Variants in ACAD10 observed in about 807,000 individuals in gnomAD.
ACAD10 encodes ACAD-10.
Under a neutral mutation model 116.8 loss-of-function variants are expected in ACAD10, and 112 were observed. The observed-to-expected ratio is 0.96, with a 90% CI of 0.82 to 1.12. The LOEUF is 1.12. ACAD10 is among the 50% of genes most tolerant of loss of function. The probability of loss-of-function intolerance (pLI) is 0.00; values close to 1 mark genes in which losing one functional copy is unlikely to be tolerated. For missense variants in ACAD10, 1,259 were observed against 1,350.2 expected (o/e 0.93, Z 1.06); for synonymous variants, 486 against 510.6 (o/e 0.95, Z 0.65).
chr12:111,721,780 A>C (rs958108595), intron 8 of ACAD10, 41 bp downstream of exon 8: 1 of 1,528,166 alleles, frequency 6.5e-7, no homozygotes, highest in Non-Finnish European at 8.9e-7. Flanking sequence ...TTCAAGCTAC[A>C]GGAGAGAAAA....
Position 111,702,303 on chromosome 12 carries a change from C to T in ACAD10, c.329C>T (p.Ser110Phe), listed in dbSNP as rs1185432836. The T allele has an allele frequency of 5.6e-6, 9 of 1,614,084 alleles. No homozygotes were observed. Among genetic ancestry groups the T allele is most frequent in the Non-Finnish European group, 6.8e-6 (8 of 1,180,008 alleles). Residue 110 changes from serine (S) to phenylalanine (F), a missense_variant, in exon 3 of 21, where the codon TCT becomes TTT. Physicochemically the swap from Ser to Phe is radical, Grantham distance 155 (BLOSUM62 -2). Coordinates refer to ENST00000313698, the MANE Select transcript of ACAD10 (RefSeq NM_025247.6). ...TTACGAGAATTTGGGAGACTTTGCT[C>T]TGAAATGGTGAGTGGTAAACATACC... ...GFLREFGRLC[S>F]EMLKTSVPVD...
intron 1 of ACAD10, among the ~76,000 whole-genome samples, chr12:111,692,194 G>A (rs762891280): frequency 8.5e-5 from 13 of 152,120 alleles, no homozygotes; most frequent in Non-Finnish European, 1.2e-4. Context: ...TCTCGAACTC[G>A]CAACCTCAGG....
At chr12:111,703,461 T>C (rs112097170) in intron 3 of ACAD10, among the ~76,000 whole-genome samples, 55 of 152,306 alleles carry the variant, frequency 3.6e-4, no homozygotes, top group African/African-American at 1.3e-3. Context: ...ATTTAAAATA[T>C]AGTAAGAAAA....
intron 2 of ACAD10, among the ~76,000 whole-genome samples, chr12:111,700,182 C>T (rs1445831027): frequency 1.3e-5 from 2 of 152,086 alleles, no homozygotes; most frequent in African/African-American, 4.8e-5. Flanking sequence ...AGCAAGACCC[C>T]ATCTCTTAAA....
intron 12 of ACAD10, among the ~76,000 whole-genome samples, chr12:111,738,827 C>T (rs1486787346): frequency 2.0e-5 from 3 of 151,982 alleles, no homozygotes; most frequent in Admixed American, 6.6e-5. Context: ...GCTGAGATCG[C>T]GCCTGTGCAC....
chr12:111,711,286 C>T (rs941891496), intron 5 of ACAD10, among the ~76,000 whole-genome samples: 2 of 152,150 alleles, frequency 1.3e-5, no homozygotes, highest in Non-Finnish European at 2.9e-5. Context: ...CTGCAAGCTC[C>T]ACCTCCTGGG....
intron 18 of ACAD10, among the ~76,000 whole-genome samples, chr12:111,751,156 A>G (rs1890062209): frequency 6.6e-6 from 1 of 152,218 alleles, no homozygotes. Flanking sequence ...GAGGTTCACC[A>G]CAGTGCTTAT....
At chr12:111,755,647 C>T (rs202224288) in intron 19 of ACAD10, 21 bp from the exon 20 acceptor site, 15 of 1,607,506 alleles carry the variant, frequency 9.3e-6, no homozygotes, top group African/African-American at 6.7e-5. Flanking sequence ...CTTTTATGAT[C>T]GCATCTCCTC....
intron 18 of ACAD10, among the ~76,000 whole-genome samples, chr12:111,752,234 A>C (rs112521032): frequency 4.1e-4 from 62 of 152,068 alleles, no homozygotes; most frequent in African/African-American, 1.3e-3. Flanking sequence ...GGGAAAAAAA[A>C]AAACAAACAA....
At chr12:111,702,074 G>A (rs538352072) in intron 2 of ACAD10, 88 bp from the exon 3 acceptor site, 779 of 1,389,478 alleles carry the variant, frequency 5.6e-4, no homozygotes, top group Non-Finnish European at 6.6e-4. Flanking sequence ...CAGCGAGTCC[G>A]TAGGAACTGG....
chr12:111,721,771 T>C (rs1889020798), intron 8 of ACAD10, 32 bp downstream of exon 8: 4 of 1,559,698 alleles, frequency 2.6e-6, no homozygotes, highest in Non-Finnish European at 3.5e-6. Context: ...TATTGCACTT[T>C]CAAGCTACAG....
Position 111,756,622 on chromosome 12 carries a change from CT to C in ACAD10, c.*150del, listed in dbSNP as rs995628793. ...GACAGTCAGGGTGGACTCAATCTTT[CT>C]GGTTCTCCACAGAAGACGTCTCTGC... On this transcript the variant is annotated 3_prime_UTR_variant, in exon 21 of 21. Coordinates refer to ENST00000313698, the MANE Select transcript of ACAD10 (RefSeq NM_025247.6). 1 of 1,285,450 alleles carries C rather than the reference CT, an allele frequency of 7.8e-7. No individual in the cohort carries two copies. The highest frequency in any genetic ancestry group is 1.1e-6 in the Non-Finnish European group (1 of 920,194). 79.6% of individuals were successfully genotyped at this position (1,285,450 alleles called of 1,614,324 possible). A position where few individuals can be genotyped will look rare whatever the true frequency, so the allele number is the denominator to read the frequency against.
At chr12:111,732,948 G>C (rs1402425917) in intron 10 of ACAD10, among the ~76,000 whole-genome samples, 1 of 152,220 alleles carries the variant, frequency 6.6e-6, no homozygotes, top group African/African-American at 2.4e-5. Flanking sequence ...GGCGGCTGTC[G>C]GGTGGGGCTG....
Position 111,709,576 on chromosome 12 carries a change from C to T in ACAD10, c.582C>T (p.Tyr194=). 1.2e-6 allele frequency: 2 copies of T among 1,613,588 alleles called. No individual in the cohort carries two copies. Among genetic ancestry groups the T allele is most frequent in the South Asian group, 1.1e-5 (1 of 90,984 alleles). The stretch of plus-strand genomic sequence containing the variant: ...TCTGTAAGCCAGACCCTAGGATCTA[C>T]AAGCTGTGCTTGGAGCAGCTCGGCC... ...EGICKPDPRI[Y]KLCLEQLGLQ... is the part of the protein sequence containing the mutation. The change falls in exon 5 of 21, where the codon TAC becomes TAT. Residue 194 remains tyrosine (Y), a synonymous_variant. Coordinates refer to ENST00000313698, the MANE Select transcript of ACAD10 (RefSeq NM_025247.6).
chr12:111,699,295 C>A (rs1406346362), intron 2 of ACAD10, among the ~76,000 whole-genome samples: 1 of 152,026 alleles, frequency 6.6e-6, no homozygotes, highest in African/African-American at 2.4e-5. Flanking sequence ...AATTTCTATT[C>A]CATATTGAAA....
chr12:111,735,237 GAATT>G (rs1424266417), intron 11 of ACAD10, among the ~76,000 whole-genome samples: 1 of 150,428 alleles, frequency 6.6e-6, no homozygotes, highest in Non-Finnish European at 1.5e-5. Context: ...AAAAAAAAAA[GAATT>G]AAGGGAAGAC....
Position 111,755,545 on chromosome 12 carries a change from A to G in ACAD10, c.2962-123A>G. ...AGCCTCCTGAGTAGCTGGGACTACA[A>G]GCACATGCTACCACACCCTGCTAGT... On this transcript the variant is annotated intron_variant, in intron 19 of 20. Transcript: ENST00000313698. 4 of 701,400 alleles carry G rather than the reference A, an allele frequency of 5.7e-6. No homozygotes were observed. The South Asian group carries it at 6.6e-5, about 12-fold the overall frequency. The allele number at this position is 701,400 out of a possible 1,614,324, so 43.4% of individuals were successfully genotyped here.
At position 111,702,255 on chromosome 12, in the gene ACAD10, C is replaced by T; in HGVS notation, c.281C>T (p.Ala94Val). 1 of 1,614,078 alleles carries T rather than the reference C, an allele frequency of 6.2e-7. No homozygotes were observed. The highest frequency in any genetic ancestry group is 1.1e-5 in the South Asian group (1 of 91,078). Reference sequence around the variant, plus strand: ...GGGCCCTGGATGAGATTTATGAGAGCAGAAATAACAGCAGAGGGTTTTTTA... The same window carrying T: ...GGGCCCTGGATGAGATTTATGAGAGTAGAAATAACAGCAGAGGGTTTTTTA... ...ENGPWMRFMR[A>V]EITAEGFLRE... Residue 94 changes from alanine to valine, a missense_variant, in exon 3 of 21, where the codon GCA (alanine) becomes GTA (valine). Coordinates refer to ENST00000313698, the MANE Select transcript of ACAD10 (RefSeq NM_025247.6).
chr12:111,699,367 A>C (rs1277448859), intron 2 of ACAD10, among the ~76,000 whole-genome samples: 3 of 152,162 alleles, frequency 2.0e-5, no homozygotes, highest in Non-Finnish European at 4.4e-5. Flanking sequence ...AATACAGATA[A>C]AATTTCCTGC....
Sources: allele counts gnomAD v4.1 joint callset (sites outside exome capture counted in the v4.1 genomes callset), GRCh38; gene constraint gnomAD v4.1.1; transcripts MANE v1.5; gene names NCBI Gene and HGNC (gene_info 2026-07-23, HGNC 2026-07-21).